The following ROBO2 variants were observed in gnomAD, a reference collection of about 807,000 sequenced individuals.
ROBO2 encodes the protein roundabout homolog 2.
A neutral mutation model predicts 160.8 loss-of-function variants in ROBO2; 53 were observed. That is an observed-to-expected ratio of 0.33 (90% CI 0.26 to 0.41). ROBO2 has a LOEUF of 0.41. ROBO2 is among the 10% of genes least tolerant of loss of function. The pLI, the probability that ROBO2 is intolerant of heterozygous loss-of-function variation, is 1.00. For synonymous variants in ROBO2, 664 were observed against 611.7 expected (o/e 1.09, Z -1.26); for missense variants, 1,577 against 1,722.4 (o/e 0.92, Z 1.49).
chr3:76,731,209 A>G (rs758294724), intron 2 of ROBO2, among the ~76,000 whole-genome samples: 59 of 152,240 alleles, frequency 3.9e-4, no homozygotes, highest in Non-Finnish European at 7.9e-4. Context: ...ACATGACAAC[A>G]TTATAATTCA....
intron 2 of ROBO2, among the ~76,000 whole-genome samples, chr3:76,492,574 G>C (rs943487106): frequency 6.6e-6 from 1 of 151,238 alleles, no homozygotes; most frequent in Non-Finnish European, 1.5e-5. Context: ...AAAAAAAACA[G>C]GGAGGAAAAA....
At chr3:76,924,405 AG>A (rs2076852261) in intron 2 of ROBO2, among the ~76,000 whole-genome samples, 1 of 152,226 alleles carries the variant, frequency 6.6e-6, no homozygotes, top group Non-Finnish European at 1.5e-5. Context: ...AGGACACGGC[AG>A]GAAGTTACCA....
intron 2 of ROBO2, among the ~76,000 whole-genome samples, chr3:77,335,825 C>T (rs1271410436): frequency 2.0e-5 from 3 of 152,188 alleles, no homozygotes; most frequent in Non-Finnish European, 4.4e-5. Context: ...AAAGAGCTGA[C>T]ACTACGATAG....
chr3:76,268,333 C>G (rs1219900449), intron 2 of ROBO2, among the ~76,000 whole-genome samples: 1 of 152,116 alleles, frequency 6.6e-6, no homozygotes, highest in African/African-American at 2.4e-5. Flanking sequence ...GTTGGAATTT[C>G]TTTCAACAAA....
intron 2 of ROBO2, among the ~76,000 whole-genome samples, chr3:77,224,992 T>A (rs1351801991): frequency 6.6e-6 from 1 of 151,876 alleles, no homozygotes; most frequent in Non-Finnish European, 1.5e-5. Context: ...ATATGATTTT[T>A]TTACTTTTAT....
intron 2 of ROBO2, among the ~76,000 whole-genome samples, chr3:76,353,387 A>G (rs1255428378): frequency 6.6e-6 from 1 of 151,998 alleles, no homozygotes; most frequent in Non-Finnish European, 1.5e-5. Flanking sequence ...TCAAGAAATA[A>G]TACTTAAAAA....
chr3:77,313,014 C>T (rs1047678016), intron 2 of ROBO2, among the ~76,000 whole-genome samples: 3 of 152,160 alleles, frequency 2.0e-5, no homozygotes, highest in African/African-American at 7.2e-5. Flanking sequence ...CTAATTGGAA[C>T]CCAGCAGTTG....
intron 2 of ROBO2, among the ~76,000 whole-genome samples, chr3:76,924,287 G>A (rs1297560567): frequency 6.6e-6 from 1 of 152,110 alleles, no homozygotes; most frequent in Non-Finnish European, 1.5e-5. Context: ...CTGGGCCTCT[G>A]GAAGGTGATG....
chr3:76,397,270 T>C (rs942785706), intron 2 of ROBO2, among the ~76,000 whole-genome samples: 2 of 152,144 alleles, frequency 1.3e-5, no homozygotes, highest in Admixed American at 6.6e-5. Context: ...TGGCTAGCCA[T>C]ATGTAGAAAG....
At chr3:77,532,368 G>A (rs1369647566) in intron 6 of ROBO2, among the ~76,000 whole-genome samples, 1 of 152,010 alleles carries the variant, frequency 6.6e-6, no homozygotes, top group Admixed American at 6.6e-5. Context: ...TTTCTTTCAA[G>A]TAACTTTGCT....
intron 2 of ROBO2, among the ~76,000 whole-genome samples, chr3:77,284,150 A>G (rs771735334): frequency 9.2e-5 from 14 of 152,130 alleles, no homozygotes; most frequent in Non-Finnish European, 2.1e-4. Flanking sequence ...CCATTCAATT[A>G]CTTATTGTCT....
At chr3:76,634,870 C>T (rs1251171522) in intron 2 of ROBO2, among the ~76,000 whole-genome samples, 1 of 152,236 alleles carries the variant, frequency 6.6e-6, no homozygotes, top group Non-Finnish European at 1.5e-5. Context: ...CTCCAGAGCT[C>T]TGCCTCCTGC....
intron 2 of ROBO2, among the ~76,000 whole-genome samples, chr3:76,747,562 C>A (rs2093914176): frequency 6.6e-6 from 1 of 151,882 alleles, no homozygotes; most frequent in African/African-American, 2.4e-5. Context: ...GTGAATGAAA[C>A]TGCATGTGAA....
intron 2 of ROBO2, among the ~76,000 whole-genome samples, chr3:76,264,012 T>C (rs1706937944): frequency 6.6e-6 from 1 of 152,130 alleles, no homozygotes; most frequent in Non-Finnish European, 1.5e-5. Context: ...AAGTGGCAGC[T>C]GAACAATGAG....
rs989491467 is a variant in ROBO2, at chr3:77,141,348, C to T, written c.388+43008C>T. The stretch of plus-strand genomic sequence containing the variant: ...TTTATAAACAGCCATTATCCTTGGA[C>T]GTATATCTGTTCAGGCAGAATGACC... On this transcript the variant is annotated intron_variant, in intron 2 of 25. Transcript: ENST00000461745. 2.4e-4 allele frequency among the ~76,000 whole-genome samples: 37 copies of T among 151,054 alleles called. 1 individual carries two copies. The highest frequency in any genetic ancestry group is 1.1e-3 in the South Asian group (5 of 4,744).
At chr3:77,645,468 G>T (rs2095403770) in intron 25 of ROBO2, among the ~76,000 whole-genome samples, 1 of 152,078 alleles carries the variant, frequency 6.6e-6, no homozygotes, top group Admixed American at 6.6e-5. Flanking sequence ...AAAATACTAG[G>T]TAATAGGGAA....
intron 2 of ROBO2, among the ~76,000 whole-genome samples, chr3:77,206,958 A>G (rs2083522841): frequency 6.6e-6 from 1 of 152,188 alleles, no homozygotes; most frequent in Non-Finnish European, 1.5e-5. Flanking sequence ...AATGGTACAC[A>G]GTATTTTTTC....
chr3:76,526,409 A>C lies in ROBO2; in HGVS notation c.110-571605A>C, dbSNP rs370268292. Among the ~76,000 whole-genome samples, 5 of 152,128 alleles carry C rather than the reference A, an allele frequency of 3.3e-5. No individual in the cohort carries two copies. The East Asian group carries it at 9.7e-4, about 29-fold the overall frequency. On this transcript the variant is annotated intron_variant, in intron 2 of 26. Coordinates refer to the ROBO2 transcript ENST00000487694. The stretch of plus-strand genomic sequence containing the variant: ...TTTACAAGATATTTTACCTGATTTC[A>C]GGGTCAACAATGTCATATAGATATT...
At chr3:77,302,441 T>G (rs925658918) in intron 2 of ROBO2, among the ~76,000 whole-genome samples, 1 of 152,136 alleles carries the variant, frequency 6.6e-6, no homozygotes, top group African/African-American at 2.4e-5. Flanking sequence ...CTTACTTTCC[T>G]TGTCTCCCAT....
Sources: gnomAD v4.1 joint callset for allele counts (sites outside exome capture counted in the v4.1 genomes callset) on GRCh38, gnomAD v4.1.1 for gene constraint, MANE v1.5 for transcripts, NCBI Gene and HGNC (gene_info 2026-07-23, HGNC 2026-07-21) for gene names.